The following COL21A1 variants were observed in gnomAD, a reference collection of about 807,000 sequenced individuals.
COL21A1 encodes collagen alpha-1(XXI) chain.
In COL21A1, 149 loss-of-function variants were observed where a neutral mutation model predicts 137.9. That is an observed-to-expected ratio of 1.08 (90% confidence interval 0.95 to 1.24). The LOEUF (loss-of-function observed/expected upper bound fraction) is 1.24. COL21A1 is among the 50% of genes most tolerant of loss of function. COL21A1 has a pLI of 0.00. For synonymous variants in COL21A1, 456 were observed against 391.5 expected (o/e 1.16, Z -1.95); for missense variants, 1,167 against 1,158.4 (o/e 1.01, Z -0.11).
intron 3 of COL21A1, among the ~76,000 whole-genome samples, chr6:56,178,699 A>G (rs1777672625): frequency 1.3e-5 from 2 of 152,088 alleles, no homozygotes; most frequent in Non-Finnish European, 2.9e-5. Context: ...TAGCATATCT[A>G]TGCCCTAATA....
intron 9 of COL21A1, among the ~76,000 whole-genome samples, chr6:56,162,653 C>T (rs1561933119): frequency 6.6e-6 from 1 of 152,128 alleles, no homozygotes; most frequent in Non-Finnish European, 1.5e-5. Flanking sequence ...GAAAAGCACT[C>T]TAGGCTTTGA....
At chr6:56,122,993 T>A (rs955756487) in intron 16 of COL21A1, among the ~76,000 whole-genome samples, 2 of 152,194 alleles carry the variant, frequency 1.3e-5, no homozygotes, top group African/African-American at 4.8e-5. Flanking sequence ...AAAAGAATAG[T>A]CCCATTTCTT....
At chr6:56,112,458 G>A (rs1325364717) in intron 16 of COL21A1, among the ~76,000 whole-genome samples, 1 of 152,072 alleles carries the variant, frequency 6.6e-6, no homozygotes, top group Non-Finnish European at 1.5e-5. Flanking sequence ...ATTGCTGAAA[G>A]AGGCACTGAA....
At chr6:56,382,029 A>G (rs2094009508) in intron 1 of COL21A1, among the ~76,000 whole-genome samples, 1 of 152,186 alleles carries the variant, frequency 6.6e-6, no homozygotes, top group African/African-American at 2.4e-5. Flanking sequence ...CATGGATACT[A>G]AACTGTAAAA....
intron 1 of COL21A1, among the ~76,000 whole-genome samples, chr6:56,378,123 A>G (rs1384508570): frequency 6.6e-6 from 1 of 152,198 alleles, no homozygotes; most frequent in Non-Finnish European, 1.5e-5. Flanking sequence ...TACTGGCTTC[A>G]GGTGAGACTC....
intron 1 of COL21A1, among the ~76,000 whole-genome samples, chr6:56,229,351 G>A (rs1462149486): frequency 6.6e-6 from 1 of 151,996 alleles, no homozygotes; most frequent in Non-Finnish European, 1.5e-5. Flanking sequence ...CTGGCCAATA[G>A]AGAGAGACCC....
At chr6:56,135,213 A>G (rs1478229970) in intron 12 of COL21A1, among the ~76,000 whole-genome samples, 1 of 152,120 alleles carries the variant, frequency 6.6e-6, no homozygotes, top group Admixed American at 6.6e-5. Flanking sequence ...AATACAACCC[A>G]GAAAAAATAT....
At chr6:56,286,425 C>G (rs1034006149) in intron 1 of COL21A1, among the ~76,000 whole-genome samples, 1 of 152,092 alleles carries the variant, frequency 6.6e-6, no homozygotes, top group South Asian at 2.1e-4. Context: ...ATACAAATAC[C>G]CATGCATACA....
chr6:56,117,832 C>T (rs1220561771), intron 16 of COL21A1, among the ~76,000 whole-genome samples: 1 of 151,710 alleles, frequency 6.6e-6, no homozygotes, highest in Non-Finnish European at 1.5e-5. Flanking sequence ...TCCTGAATGC[C>T]CAGTGAGTCA....
chr6:56,276,413 T>C, intron 1 of COL21A1: 1 of 567,790 alleles, frequency 1.8e-6, no homozygotes, highest in East Asian at 3.1e-5. Flanking sequence ...AGGTTTCCTG[T>C]TTTGATCTTT....
chr6:56,304,865 C>T (rs1232278882), intron 1 of COL21A1, among the ~76,000 whole-genome samples: 4 of 152,158 alleles, frequency 2.6e-5, no homozygotes, highest in Non-Finnish European at 5.9e-5. Context: ...CTCTTGTGGA[C>T]ATTTAGTGCT....
At chr6:56,238,708 A>G (rs972817479) in intron 1 of COL21A1, among the ~76,000 whole-genome samples, 2 of 152,006 alleles carry the variant, frequency 1.3e-5, no homozygotes, top group Admixed American at 1.3e-4. Flanking sequence ...TCCCTCTCCC[A>G]AGTACTAGGT....
intron 1 of COL21A1, among the ~76,000 whole-genome samples, chr6:56,390,736 A>G (rs752097829): frequency 6.6e-6 from 1 of 152,212 alleles, no homozygotes; most frequent in Non-Finnish European, 1.5e-5. Flanking sequence ...CAAGGTCATT[A>G]TATAATGATA....
At chr6:56,229,501 G>A (rs62411869) in intron 1 of COL21A1, among the ~76,000 whole-genome samples, 9,710 of 151,914 alleles carry the variant, frequency 0.064, 357 homozygotes, top group Middle Eastern at 0.12. Context: ...TTGAATTATC[G>A]TACACTAACC....
At chr6:56,293,356 T>C (rs1446548266) in intron 1 of COL21A1, among the ~76,000 whole-genome samples, 1 of 152,182 alleles carries the variant, frequency 6.6e-6, no homozygotes, top group East Asian at 1.9e-4. Flanking sequence ...ATTCTGAAAT[T>C]TTCAGGTTTT....
chr6:56,260,848 C>CTG lies in COL21A1; in HGVS notation c.-38-78194_-38-78193dup, dbSNP rs70986790. 6.0e-3 allele frequency among the ~76,000 whole-genome samples: 810 copies of CTG among 135,274 alleles called. 9 individuals carry two copies. The highest frequency in any genetic ancestry group is 0.034 in the South Asian group (140 of 4,142). The allele number at this position is 135,274 out of a possible 152,430, so 88.7% of individuals were successfully genotyped here. On this transcript the variant is annotated intron_variant, in intron 1 of 28. Coordinates refer to the COL21A1 transcript ENST00000370819. ...TTGGAGCACAATTTACTTTAATTCA[C>CTG]TGTGTGTGTGTGTGTGTGTGTGTGT...
Position 56,207,720 on chromosome 6 carries a change from A to T in COL21A1, c.-38-25064T>A, listed in dbSNP as rs190205606. Among the ~76,000 whole-genome samples the T allele has an allele frequency of 3.2e-4, 49 of 152,314 alleles. No individual in the cohort carries two copies. In the East Asian group the frequency reaches 6.9e-3, roughly 22 times the overall value. ...TCATCCTGATACCAAAACCTGGCAGAGACACAACAAAAAAAGAAAATTTCA... is the reference window on the plus strand; with the variant it reads ...TCATCCTGATACCAAAACCTGGCAGTGACACAACAAAAAAAGAAAATTTCA... On this transcript the variant is annotated intron_variant, in intron 1 of 29. Transcript: ENST00000244728.
upstream of COL21A1, among the ~76,000 whole-genome samples, chr6:56,251,672 C>T (rs1782858485): frequency 6.6e-6 from 1 of 152,204 alleles, no homozygotes; most frequent in African/African-American, 2.4e-5. Context: ...CCTGTCCTCC[C>T]TCATGAAATG....
intron 1 of COL21A1, among the ~76,000 whole-genome samples, chr6:56,264,586 C>T (rs1002032308): frequency 1.3e-5 from 2 of 152,166 alleles, no homozygotes; most frequent in African/African-American, 4.8e-5. Context: ...GAGGACCTGG[C>T]CTCTAAAGTT....
Sources: gnomAD v4.1 joint callset for allele counts (sites outside exome capture counted in the v4.1 genomes callset) on GRCh38, gnomAD v4.1.1 for gene constraint, MANE v1.5 for transcripts, NCBI Gene and HGNC (gene_info 2026-07-23, HGNC 2026-07-21) for gene names.